MAP4K3: variants seen among roughly 807,000 people sequenced by gnomAD.
MAP4K3 encodes mitogen-activated protein kinase kinase kinase kinase 3.
A neutral mutation model predicts 143.5 loss-of-function variants in MAP4K3; 94 were observed. The ratio of observed to expected loss-of-function variants is 0.65; its 90% CI spans 0.55 to 0.78. The LOEUF (loss-of-function observed/expected upper bound fraction) is 0.78, where lower values mean the gene tolerates loss of function less well. Among genes scored for constraint, MAP4K3 ranks in the 30% least tolerant of loss-of-function variants. The pLI is 0.00. For synonymous variants in MAP4K3, 416 were observed against 347.2 expected (o/e 1.20, Z -2.20); for missense variants, 1,077 against 1,068.1 (o/e 1.01, Z -0.12).
intron 15 of MAP4K3, chr2:39,303,205 G>C (rs1192511425): frequency 6.0e-6 from 1 of 166,854 alleles, no homozygotes; most frequent in Non-Finnish European, 1.5e-5. Flanking sequence ...TCAAAAATGA[G>C]AAAATTATGG....
At chr2:39,372,682 T>A (rs913480250) in intron 2 of MAP4K3, among the ~76,000 whole-genome samples, 3 of 152,098 alleles carry the variant, frequency 2.0e-5, no homozygotes, top group Non-Finnish European at 4.4e-5. Context: ...GAACATACAC[T>A]GGGGAAAGGA....
At chr2:39,371,004 C>T (rs1558671224) in intron 2 of MAP4K3, among the ~76,000 whole-genome samples, 2 of 152,114 alleles carry the variant, frequency 1.3e-5, no homozygotes, top group Admixed American at 6.5e-5. Context: ...TAGCTCTCAT[C>T]TTGATCCATT....
chr2:39,337,189 A>G (rs549536299), intron 5 of MAP4K3, among the ~76,000 whole-genome samples: 1 of 152,248 alleles, frequency 6.6e-6, no homozygotes, highest in African/African-American at 2.4e-5. Context: ...ATAGTTTGAA[A>G]TAACTTTTAA....
At chr2:39,424,223 C>T (rs1338936247) in intron 1 of MAP4K3, among the ~76,000 whole-genome samples, 4 of 152,246 alleles carry the variant, frequency 2.6e-5, no homozygotes, top group Admixed American at 6.5e-5. Context: ...GGATTACAGG[C>T]GTGAGCCATC....
intron 1 of MAP4K3, among the ~76,000 whole-genome samples, chr2:39,420,826 T>C (rs1667526367): frequency 6.6e-6 from 1 of 152,226 alleles, no homozygotes; most frequent in African/African-American, 2.4e-5. Flanking sequence ...GAAGAATTCT[T>C]ATTCTCAGGT....
intron 3 of MAP4K3, among the ~76,000 whole-genome samples, chr2:39,355,887 T>C (rs915709431): frequency 6.6e-6 from 1 of 152,068 alleles, no homozygotes; most frequent in Admixed American, 6.5e-5. Flanking sequence ...TAAAAAAAAG[T>C]TTTTGATAAA....
Position 39,329,212 on chromosome 2 carries a change from G to T in MAP4K3, c.530+2705C>A, listed in dbSNP as rs113610311. The stretch of plus-strand genomic sequence containing the variant: ...ATGAATATTGTATAGAATCAAGTCA[G>T]ATCCTGAAGATTTAATGAGATGTTT... On this transcript the variant is annotated intron_variant, in intron 8 of 33. Coordinates refer to ENST00000263881, the MANE Select transcript of MAP4K3 (RefSeq NM_003618.4). Among the ~76,000 whole-genome samples, 524 of 152,268 alleles carry T rather than the reference G, an allele frequency of 3.4e-3. 3 individuals are homozygous for T. Among genetic ancestry groups the T allele is most frequent in the African/African-American group, 0.012 (503 of 41,556 alleles).
At chr2:39,374,810 G>A (rs111577610) in intron 2 of MAP4K3, among the ~76,000 whole-genome samples, 79 of 152,270 alleles carry the variant, frequency 5.2e-4, no homozygotes, top group African/African-American at 1.8e-3. Context: ...AAAGGTCTGC[G>A]TAAGTTTTTA....
At chr2:39,299,000 T>A (rs1449883760) in intron 16 of MAP4K3, among the ~76,000 whole-genome samples, 2 of 152,026 alleles carry the variant, frequency 1.3e-5, no homozygotes, top group East Asian at 3.9e-4. Context: ...TAACTTGTTC[T>A]GACTATTAAA....
intron 3 of MAP4K3, among the ~76,000 whole-genome samples, chr2:39,348,693 A>C (rs752494587): frequency 6.6e-6 from 1 of 152,202 alleles, no homozygotes; most frequent in Non-Finnish European, 1.5e-5. Flanking sequence ...TCCTGATTCA[A>C]CAAATCCTCA....
intron 2 of MAP4K3, among the ~76,000 whole-genome samples, chr2:39,362,825 T>C (rs535095225): frequency 6.6e-6 from 1 of 152,212 alleles, no homozygotes; most frequent in African/African-American, 2.4e-5. Flanking sequence ...AATCAAACAA[T>C]ATGGCACTGG....
chr2:39,352,595 T>C (rs915700171), intron 3 of MAP4K3, among the ~76,000 whole-genome samples: 2 of 152,188 alleles, frequency 1.3e-5, no homozygotes, highest in Admixed American at 1.3e-4. Flanking sequence ...TTTTTAAATG[T>C]TAATGCTTTG....
At chr2:39,307,305 T>A (rs1285834858) in intron 15 of MAP4K3, among the ~76,000 whole-genome samples, 4 of 152,120 alleles carry the variant, frequency 2.6e-5, no homozygotes, top group South Asian at 4.1e-4. Context: ...ATAGCATCAA[T>A]TTCTCATTTT....
At position 39,326,247 on chromosome 2, in the gene MAP4K3, C is replaced by A; in HGVS notation, c.561G>T (p.Arg187Ser). The change falls in exon 9 of 34, where the codon AGG becomes AGT. Residue 187 changes from arginine (R) to serine (S), a missense_variant. By Grantham distance (110) the Arg-to-Ser change is moderately radical (BLOSUM62 -1). Coordinates refer to ENST00000263881, the MANE Select transcript of MAP4K3 (RefSeq NM_003618.4). ...CACAGAGTTGATTGTAACCCCCCTT[C>A]CTCTCAACAGCTGCAACTTCTGGAG... ...WMAPEVAAVE[R>S]KGGYNQLCDL... 6.2e-7 allele frequency: 1 copy of A among 1,613,918 alleles called. No individual in the cohort carries two copies. Among genetic ancestry groups the A allele is most frequent in the Non-Finnish European group, 8.5e-7 (1 of 1,179,896 alleles).
At chr2:39,338,604 T>C (rs967755564) in intron 4 of MAP4K3, among the ~76,000 whole-genome samples, 2 of 152,214 alleles carry the variant, frequency 1.3e-5, no homozygotes, top group African/African-American at 4.8e-5. Flanking sequence ...CACCTTTACA[T>C]CAATATATAG....
At chr2:39,411,495 C>G (rs934937845) in intron 1 of MAP4K3, among the ~76,000 whole-genome samples, 4 of 152,092 alleles carry the variant, frequency 2.6e-5, no homozygotes, top group Admixed American at 2.0e-4. Context: ...GGTATGGTGC[C>G]GGGTACAGGG....
At chr2:39,253,172 G>T (rs964025274) in intron 32 of MAP4K3, among the ~76,000 whole-genome samples, 2 of 152,060 alleles carry the variant, frequency 1.3e-5, no homozygotes, top group Non-Finnish European at 2.9e-5. Flanking sequence ...TTGTTCTGTC[G>T]CCAGGCTGGA....
At chr2:39,276,424 T>A (rs1459152715) in intron 24 of MAP4K3, among the ~76,000 whole-genome samples, 5 of 152,210 alleles carry the variant, frequency 3.3e-5, no homozygotes, top group Admixed American at 3.3e-4. Flanking sequence ...CTGATCTTTC[T>A]CTAGGTCCAG....
At chr2:39,251,176 C>A (rs554895909) in intron 33 of MAP4K3, among the ~76,000 whole-genome samples, 1 of 152,300 alleles carries the variant, frequency 6.6e-6, no homozygotes, top group South Asian at 2.1e-4. Context: ...GCTGTCCCTG[C>A]AGGCATTTAT....
Sources: gnomAD v4.1 joint callset for allele counts (sites outside exome capture counted in the v4.1 genomes callset) on GRCh38, gnomAD v4.1.1 for gene constraint, MANE v1.5 for transcripts, NCBI Gene and HGNC (gene_info 2026-07-23, HGNC 2026-07-21) for gene names.